ALKBH3: variants seen among roughly 807,000 people sequenced by gnomAD.
The protein encoded by ALKBH3 is alpha-ketoglutarate-dependent dioxygenase alkB homolog 3.
Under a neutral mutation model 43.9 loss-of-function variants are expected in ALKBH3, and 51 were observed. The ratio of observed to expected loss-of-function variants is 1.16; its 90% CI spans 0.93 to 1.47. The LOEUF (loss-of-function observed/expected upper bound fraction) is 1.47, where lower values mean the gene tolerates loss of function less well. Among genes scored for constraint, ALKBH3 ranks in the 40% most tolerant of loss-of-function variants. The pLI, the probability that ALKBH3 is intolerant of heterozygous loss-of-function variation, is 0.00. For missense variants in ALKBH3, 361 were observed against 351.9 expected (o/e 1.03, Z -0.21); for synonymous variants, 102 against 115.2 (o/e 0.89, Z 0.73).
intron 8 of ALKBH3, among the ~76,000 whole-genome samples, chr11:43,905,587 C>A (rs537189222): frequency 6.6e-6 from 1 of 152,108 alleles, no homozygotes; most frequent in Non-Finnish European, 1.5e-5. Flanking sequence ...CTTTTACATT[C>A]ATTCCGATTC....
chr11:43,895,447 G>T (rs1951812187), intron 7 of ALKBH3, among the ~76,000 whole-genome samples: 1 of 152,130 alleles, frequency 6.6e-6, no homozygotes, highest in African/African-American at 2.4e-5. Context: ...TTTGTCTTCT[G>T]CCTTGATTGT....
intron 8 of ALKBH3, among the ~76,000 whole-genome samples, chr11:43,908,259 T>C (rs1012344723): frequency 6.6e-6 from 1 of 152,200 alleles, no homozygotes; most frequent in African/African-American, 2.4e-5. Flanking sequence ...ACTGAAGATA[T>C]AGGTGAGTTT....
intron 8 of ALKBH3, 62 bp from the exon 9 acceptor site, chr11:43,918,976 A>G (rs1952005090): frequency 4.5e-6 from 6 of 1,330,602 alleles, no homozygotes; most frequent in Non-Finnish European, 6.5e-6. Flanking sequence ...GACCTCTGTC[A>G]GGTTCTGTTG....
chr11:43,900,255 G>A (rs190650954), intron 7 of ALKBH3, among the ~76,000 whole-genome samples: 23 of 103,720 alleles, frequency 2.2e-4, no homozygotes, highest in South Asian at 6.7e-4. Context: ...ACAGAGTCTC[G>A]CTCTGTTACC....
chr11:43,910,708 T>C (rs1433652563), intron 8 of ALKBH3, among the ~76,000 whole-genome samples: 3 of 152,352 alleles, frequency 2.0e-5, no homozygotes, highest in Non-Finnish European at 2.9e-5. Flanking sequence ...TCTTGAACTA[T>C]CTAAAGAACC....
At chr11:43,898,542 TGAA>T (rs1951836547) in intron 7 of ALKBH3, 2 of 787,854 alleles carry the variant, frequency 2.5e-6, no homozygotes, top group Admixed American at 1.7e-5. Context: ...TCTCCATAAA[TGAA>T]GAAGAGCTAA....
intron 7 of ALKBH3, among the ~76,000 whole-genome samples, chr11:43,899,872 G>A (rs1454332485): frequency 5.3e-4 from 65 of 121,852 alleles, no homozygotes; most frequent in Admixed American, 8.8e-4. Flanking sequence ...GTGGTCTCAG[G>A]AAAAAAAAAA....
chr11:43,884,107 GA>G, intron 4 of ALKBH3, 90 bp downstream of exon 4: 1 of 1,479,966 alleles, frequency 6.8e-7, no homozygotes, highest in South Asian at 1.1e-5. Flanking sequence ...ATCTGGAAGA[GA>G]ATGGCCCAAT....
intron 3 of ALKBH3, among the ~76,000 whole-genome samples, chr11:43,883,520 T>C (rs1032196428): frequency 6.6e-6 from 1 of 152,198 alleles, no homozygotes; most frequent in African/African-American, 2.4e-5. Context: ...ATCTTTGGAA[T>C]TGGATTAAAA....
At chr11:43,898,055 C>G (rs1383822756) in intron 7 of ALKBH3, 5 of 965,368 alleles carry the variant, frequency 5.2e-6, no homozygotes, top group Non-Finnish European at 8.5e-6. Flanking sequence ...GTTGTCATCC[C>G]AGATGCTGTC....
At position 43,901,565 on chromosome 11, in the gene ALKBH3, GC is replaced by G. The variant is rs755830424; in HGVS notation, c.511del (p.His171ThrfsTer28). ...AAGAACCGCATTGAAGAGAACACTGGCCACACCTTCAACTCCTTACTCTGCA... is the reference window on the plus strand; with the variant it reads ...AAGAACCGCATTGAAGAGAACACTGGCACACCTTCAACTCCTTACTCTGCA... The part of the protein sequence containing the change: ...TLKNRIEENT[G>X]HTFNSLLCNL... On this transcript the variant is annotated frameshift_variant, in exon 8 of 10. Transcript: ENST00000302708. LOFTEE classifies it high-confidence loss of function. 1 of 1,614,184 alleles carries G rather than the reference GC, an allele frequency of 6.2e-7. No homozygotes were observed. Among genetic ancestry groups the G allele is most frequent in the South Asian group, 1.1e-5 (1 of 91,082 alleles).
At chr11:43,898,523 G>T in intron 7 of ALKBH3, 1 of 869,428 alleles carries the variant, frequency 1.2e-6, no homozygotes, top group Non-Finnish European at 2.0e-6. Context: ...GCCCTGCTGA[G>T]ATACGTTCTC....
At chr11:43,895,281 G>A (rs1951810975) in intron 7 of ALKBH3, among the ~76,000 whole-genome samples, 2 of 152,224 alleles carry the variant, frequency 1.3e-5, no homozygotes, top group East Asian at 1.9e-4. Context: ...ATCAAGGGCA[G>A]GGCCAGGTGG....
At chr11:43,898,461 C>T (rs1305576958) in intron 7 of ALKBH3, 26 of 904,080 alleles carry the variant, frequency 2.9e-5, no homozygotes, top group African/African-American at 1.6e-5. Context: ...TCTGTATGCT[C>T]AGGCTGGGGC....
chr11:43,919,624 C>A, intron 9 of ALKBH3: 1 of 345,942 alleles, frequency 2.9e-6, no homozygotes, highest in Non-Finnish European at 5.4e-6. Flanking sequence ...TGGTCTCATC[C>A]ATTTATATGT....
intron 9 of ALKBH3, chr11:43,919,473 G>C (rs1952009957): frequency 3.2e-6 from 1 of 310,408 alleles, no homozygotes; most frequent in Non-Finnish European, 5.9e-6. Flanking sequence ...AATTTAAATA[G>C]CTTCAGGGTA....
At chr11:43,884,038 C>A in intron 4 of ALKBH3, 21 bp downstream of exon 4, 1 of 1,613,618 alleles carries the variant, frequency 6.2e-7, no homozygotes, top group Non-Finnish European at 8.5e-7. Context: ...TGCTGTCTTC[C>A]TGTAATTGTT....
At chr11:43,916,930 T>C (rs1344596555) in intron 8 of ALKBH3, 1 of 152,160 alleles carries the variant, frequency 6.6e-6, no homozygotes, top group Admixed American at 6.5e-5. Flanking sequence ...TTCTGCAAAT[T>C]AGGAATGCAT....
intron 5 of ALKBH3, among the ~76,000 whole-genome samples, chr11:43,887,964 T>A (rs12787956): frequency 0.049 from 7,486 of 151,718 alleles, 444 homozygotes; most frequent in Admixed American, 0.2. Flanking sequence ...AATTTTTTTT[T>A]TTTTTTGTAT....
Sources: gnomAD v4.1 joint callset for allele counts (sites outside exome capture counted in the v4.1 genomes callset) on GRCh38, gnomAD v4.1.1 for gene constraint, MANE v1.5 for transcripts, NCBI Gene and HGNC (gene_info 2026-07-23, HGNC 2026-07-21) for gene names.